THOC1: variants seen among roughly 807,000 people sequenced by gnomAD.
THOC1 encodes the protein THO complex subunit 1.
THOC1 carries 29 observed loss-of-function variants against 97.3 expected under a neutral mutation model. The observed-to-expected ratio is 0.30, with a 90% confidence interval of 0.22 to 0.41. The LOEUF is 0.41. Among genes scored for constraint, THOC1 ranks in the 10% least tolerant of loss-of-function variants. The pLI is 1.00. For missense variants in THOC1, 529 were observed against 761.9 expected, an observed-to-expected ratio of 0.69 and a Z score of 3.60; for synonymous variants, 255 against 257.0, an observed-to-expected ratio of 0.99 and a Z score of 0.07.
chr18:226,692 G>A, intron 12 of THOC1, 109 bp downstream of exon 12: 1 of 718,578 alleles, frequency 1.4e-6, no homozygotes, highest in South Asian at 1.9e-5. Context: ...ATGTGTTTTA[G>A]GGATACAGCC....
In THOC1 at chr18:218,196, T is replaced by C. The variant is rs1910959524; in HGVS notation, c.1454+690A>G. On this transcript the variant is annotated intron_variant, in intron 18 of 20. Coordinates refer to ENST00000261600, the MANE Select transcript of THOC1 (RefSeq NM_005131.3). ...CCTCAGAATAACCCTGTGAAATGGGTACTGTTACTATTTAACAGATGAGGA... is the reference window on the plus strand; with the variant it reads ...CCTCAGAATAACCCTGTGAAATGGGCACTGTTACTATTTAACAGATGAGGA... Among the ~76,000 whole-genome samples, 3 of 152,190 alleles carry C rather than the reference T, an allele frequency of 2.0e-5. No individual in the cohort carries two copies. In the South Asian group the frequency reaches 6.2e-4, roughly 32 times the overall value.
At chr18:236,057 T>C (rs1051055413) in intron 11 of THOC1, among the ~76,000 whole-genome samples, 1 of 152,240 alleles carries the variant, frequency 6.6e-6, no homozygotes, top group Non-Finnish European at 1.5e-5. Flanking sequence ...GTAGTGTTTC[T>C]TGTCCTATTT....
chr18:224,276 C>T (rs1911197858), intron 15 of THOC1, 97 bp from the exon 16 acceptor site: 1 of 1,011,308 alleles, frequency 9.9e-7, no homozygotes, highest in Non-Finnish European at 1.5e-6. Context: ...TATTGTTTTC[C>T]TCTTAAAAAA....
At chr18:217,619 A>C (rs1910938303) in intron 18 of THOC1, among the ~76,000 whole-genome samples, 1 of 152,210 alleles carries the variant, frequency 6.6e-6, no homozygotes, top group African/African-American at 2.4e-5. Context: ...ACAAGGTATA[A>C]GACAATTTCA....
intron 11 of THOC1, among the ~76,000 whole-genome samples, chr18:232,851 A>G (rs917362955): frequency 6.6e-5 from 10 of 152,050 alleles, no homozygotes; most frequent in Non-Finnish European, 8.8e-5. Flanking sequence ...AAGCTCATTC[A>G]CTATTCAGTT....
At chr18:215,853 ATTC>A in intron 19 of THOC1, 1 of 231,820 alleles carries the variant, frequency 4.3e-6, no homozygotes, top group Middle Eastern at 1.7e-3. Flanking sequence ...AAAGTTTCTG[ATTC>A]TTATCTTTTA....
At chr18:215,016 G>C (rs909742116) in intron 20 of THOC1, 95 bp from the exon 21 acceptor site, 62 of 1,088,972 alleles carry the variant, frequency 5.7e-5, no homozygotes, top group Non-Finnish European at 7.8e-5. Flanking sequence ...ACCACCTTTA[G>C]TAGACTTTAT....
chr18:243,383 T>C (rs185068726), intron 11 of THOC1, among the ~76,000 whole-genome samples: 11 of 152,242 alleles, frequency 7.2e-5, no homozygotes, highest in Admixed American at 5.2e-4. Context: ...AAATGTTTAA[T>C]CCTGCTGTTT....
chr18:220,846 G>A (rs895672208), intron 17 of THOC1, among the ~76,000 whole-genome samples: 1 of 151,878 alleles, frequency 6.6e-6, no homozygotes, highest in Non-Finnish European at 1.5e-5. Context: ...ATTGTTTGTT[G>A]TCTATTTTAC....
In THOC1 at chr18:214,998, T is replaced by C. The variant is rs1254520693; in HGVS notation, c.1679-77A>G. The stretch of plus-strand genomic sequence containing the variant: ...AATGGAAAGCTATGGGGCCAATAAG[T>C]TTTATTAACCACCTTTAGTAGACTT... On this transcript the variant is annotated intron_variant, in intron 20 of 20. Transcript: ENST00000261600. 3.8e-6 allele frequency: 5 copies of C among 1,332,610 alleles called. No homozygotes were observed. The African/African-American group carries it at 7.4e-5, about 20-fold the overall frequency. 82.5% of individuals were successfully genotyped at this position (1,332,610 alleles called of 1,614,324 possible). A position where few individuals can be genotyped will look rare whatever the true frequency, so the allele number is the denominator to read the frequency against.
Position 256,314 on chromosome 18 carries a change from T to A in THOC1, c.521-1959A>T, listed in dbSNP as rs529764263. Among the ~76,000 whole-genome samples the A allele has an allele frequency of 2.0e-5, 3 of 152,328 alleles. No homozygotes were observed. In the South Asian group the frequency reaches 6.2e-4, roughly 32 times the overall value. On this transcript the variant is annotated intron_variant, in intron 7 of 20. Coordinates refer to ENST00000261600, the MANE Select transcript of THOC1 (RefSeq NM_005131.3). The stretch of plus-strand genomic sequence containing the variant: ...TGATTCATCAAAGGAGGTAAAAATA[T>A]TCACATTAACAGGAGTTTGGAAGAG...
chr18:233,395 T>G (rs541645038), intron 11 of THOC1, among the ~76,000 whole-genome samples: 3 of 152,262 alleles, frequency 2.0e-5, no homozygotes, highest in Non-Finnish European at 4.4e-5. Context: ...GAGACCAGCC[T>G]GACCAATATG....
At chr18:230,598 C>G (rs1204122687) in intron 11 of THOC1, among the ~76,000 whole-genome samples, 2 of 152,206 alleles carry the variant, frequency 1.3e-5, no homozygotes, top group Non-Finnish European at 2.9e-5. Context: ...GATTACACAG[C>G]TAGTTAGTGA....
chr18:267,168 G>T (rs1006484426), intron 1 of THOC1, among the ~76,000 whole-genome samples: 4 of 152,074 alleles, frequency 2.6e-5, no homozygotes, highest in Non-Finnish European at 5.9e-5. Flanking sequence ...TGCTAGAGAC[G>T]AATAGAGTCA....
chr18:246,483 C>A, intron 10 of THOC1, 28 bp from the exon 11 acceptor site: 1 of 1,551,680 alleles, frequency 6.4e-7, no homozygotes, highest in South Asian at 1.2e-5. Context: ...TAGTTTTATT[C>A]GACATTGTTA....
chr18:238,052 A>G (rs987767163), intron 11 of THOC1, among the ~76,000 whole-genome samples: 1 of 151,968 alleles, frequency 6.6e-6, no homozygotes, highest in Admixed American at 6.6e-5. Flanking sequence ...TTTTGTGGAG[A>G]TGGGGTTTCA....
chr18:241,706 T>A (rs1911907353), intron 11 of THOC1, among the ~76,000 whole-genome samples: 1 of 152,258 alleles, frequency 6.6e-6, no homozygotes, highest in African/African-American at 2.4e-5. Context: ...AATATATTCC[T>A]TTAACCATCA....
At chr18:248,590 A>T (rs990559688) in intron 9 of THOC1, among the ~76,000 whole-genome samples, 4 of 152,312 alleles carry the variant, frequency 2.6e-5, no homozygotes, top group Non-Finnish European at 5.9e-5. Context: ...AACTAAAAAT[A>T]TTATATCCTA....
intron 10 of THOC1, 49 bp downstream of exon 10, chr18:247,800 A>T (rs1186208656): frequency 9.0e-7 from 1 of 1,110,014 alleles, no homozygotes; most frequent in African/African-American, 1.6e-5. Flanking sequence ...TAGCTCTATC[A>T]CTGTCTATAA....
Sources: gnomAD v4.1 joint callset for allele counts (sites outside exome capture counted in the v4.1 genomes callset) on GRCh38, gnomAD v4.1.1 for gene constraint, MANE v1.5 for transcripts, NCBI Gene and HGNC (gene_info 2026-07-23, HGNC 2026-07-21) for gene names.